The following LRRTM4 variants were observed in gnomAD, a reference collection of about 807,000 sequenced individuals.
LRRTM4 encodes leucine-rich repeat transmembrane neuronal protein 4.
LRRTM4 carries 25 observed loss-of-function variants against 47.6 expected under a neutral mutation model. The observed-to-expected ratio is 0.53, with a 90% CI of 0.38 to 0.73. The LOEUF is 0.73. LRRTM4 is among the 30% of genes least tolerant of loss of function. The pLI is 0.00. For missense variants in LRRTM4, 638 were observed against 713.4 expected, an observed-to-expected ratio of 0.89 and a Z score of 1.20; for synonymous variants, 311 against 269.5, an observed-to-expected ratio of 1.15 and a Z score of -1.51.
rs770884488 is a variant in LRRTM4 at position 76,923,891 on chromosome 2, C to CT, written c.1552-174976dup. On this transcript the variant is annotated intron_variant, in intron 3 of 3. Coordinates refer to ENST00000409884, the MANE Select transcript of LRRTM4 (RefSeq NM_001134745.3). ...ATCTTCAAAGAGAATATCTTATTGC[C>CT]TTTTTTTACATTCCTGAAATAGTAG... Among the ~76,000 whole-genome samples, 4 of 152,074 alleles carry CT rather than the reference C, an allele frequency of 2.6e-5. No individual in the cohort carries two copies. The East Asian group carries it at 5.8e-4, about 22-fold the overall frequency.
chr2:77,181,584 AAAGAT>A (rs1673347650), intron 3 of LRRTM4, among the ~76,000 whole-genome samples: 1 of 152,182 alleles, frequency 6.6e-6, no homozygotes, highest in Admixed American at 6.6e-5. Context: ...TAAACAACAA[AAAGAT>A]AAGTTACCCA....
At chr2:76,817,588 T>A (rs115989316) in intron 3 of LRRTM4, among the ~76,000 whole-genome samples, 6 of 151,954 alleles carry the variant, frequency 3.9e-5, no homozygotes, top group African/African-American at 1.4e-4. Context: ...ATTGGTGAGA[T>A]TGCATTCTGT....
intron 3 of LRRTM4, among the ~76,000 whole-genome samples, chr2:77,287,067 C>T (rs755233166): frequency 1.3e-5 from 2 of 151,868 alleles, no homozygotes; most frequent in Admixed American, 6.6e-5. Flanking sequence ...AATAATGATA[C>T]GTTCGAGGCC....
chr2:77,180,203 T>G (rs1573045216), intron 3 of LRRTM4, among the ~76,000 whole-genome samples: 4 of 152,116 alleles, frequency 2.6e-5, no homozygotes, highest in African/African-American at 7.2e-5. Flanking sequence ...CAACAGGAAT[T>G]ACAACTTTGA....
At chr2:77,138,368 G>A (rs1558599753) in intron 3 of LRRTM4, among the ~76,000 whole-genome samples, 1 of 152,156 alleles carries the variant, frequency 6.6e-6, no homozygotes, top group Non-Finnish European at 1.5e-5. Flanking sequence ...GCTCCTGAAT[G>A]ACTACTGGGT....
chr2:77,196,785 G>A (rs1673840348), intron 3 of LRRTM4, among the ~76,000 whole-genome samples: 1 of 151,998 alleles, frequency 6.6e-6, no homozygotes, highest in African/African-American at 2.4e-5. Flanking sequence ...TTGAATCTAA[G>A]ATCTATTAAA....
chr2:76,823,335 G>A (rs1347651472), intron 3 of LRRTM4, among the ~76,000 whole-genome samples: 1 of 151,308 alleles, frequency 6.6e-6, no homozygotes, highest in Non-Finnish European at 1.5e-5. Context: ...AAAGCAATCA[G>A]CCATGAATAC....
intron 3 of LRRTM4, among the ~76,000 whole-genome samples, chr2:77,061,889 A>G (rs1490874174): frequency 6.6e-6 from 1 of 152,078 alleles, no homozygotes; most frequent in Non-Finnish European, 1.5e-5. Context: ...TGACTTTCAA[A>G]GTCATCTACA....
intron 3 of LRRTM4, among the ~76,000 whole-genome samples, chr2:77,062,059 A>G (rs1679804448): frequency 6.6e-6 from 1 of 152,214 alleles, no homozygotes; most frequent in Non-Finnish European, 1.5e-5. Context: ...TCCGGGGCAT[A>G]GAGAGGTGAG....
intron 3 of LRRTM4, among the ~76,000 whole-genome samples, chr2:76,952,234 T>G (rs1675522082): frequency 6.6e-6 from 1 of 151,980 alleles, no homozygotes; most frequent in African/African-American, 2.4e-5. Flanking sequence ...TGACATGTAT[T>G]TCTTTCTCTT....
chr2:76,927,577 A>G (rs1299582065), intron 3 of LRRTM4, among the ~76,000 whole-genome samples: 3 of 152,130 alleles, frequency 2.0e-5, no homozygotes, highest in Non-Finnish European at 2.9e-5. Context: ...TAAAAAAGCC[A>G]ATACCTTTCT....
At chr2:77,421,567 C>G (rs540464670) in intron 3 of LRRTM4, among the ~76,000 whole-genome samples, 3 of 152,176 alleles carry the variant, frequency 2.0e-5, no homozygotes, top group East Asian at 3.9e-4. Flanking sequence ...ATTAGCCGGG[C>G]GTGTTGGCGG....
chr2:77,455,024 C>T (rs917122866), intron 3 of LRRTM4, among the ~76,000 whole-genome samples: 6 of 152,064 alleles, frequency 3.9e-5, no homozygotes, highest in Non-Finnish European at 8.8e-5. Context: ...CCAATCTCTA[C>T]TAAAAATACA....
rs551716599 is a variant in LRRTM4, at chr2:76,961,366, C to A, written c.1552-212450G>T. 4.6e-5 allele frequency among the ~76,000 whole-genome samples: 7 copies of A among 151,094 alleles called. No individual in the cohort carries two copies. In the South Asian group the frequency reaches 1.3e-3, roughly 27 times the overall value. On this transcript the variant is annotated intron_variant, in intron 3 of 3. Transcript: ENST00000409884. ...AAGCGAAATATTAGAGATGGAACAT[C>A]ACAGATCTGTTAGCTTGCCAATATT...
chr2:77,408,197 C>A (rs974189403), intron 3 of LRRTM4, among the ~76,000 whole-genome samples: 1 of 152,108 alleles, frequency 6.6e-6, no homozygotes, highest in Non-Finnish European at 1.5e-5. Context: ...AGGGGGAGTG[C>A]TTTTTCCTGT....
chr2:76,962,246 T>A (rs1221382176), intron 3 of LRRTM4, among the ~76,000 whole-genome samples: 2 of 151,248 alleles, frequency 1.3e-5, no homozygotes, highest in Non-Finnish European at 3.0e-5. Context: ...AAGACAGTTT[T>A]GTACAAAACA....
intron 3 of LRRTM4, among the ~76,000 whole-genome samples, chr2:76,759,399 G>C (rs1673172520): frequency 6.6e-6 from 1 of 152,110 alleles, no homozygotes; most frequent in South Asian, 2.1e-4. Context: ...CTTCAGTTGG[G>C]AGTGCTGAAG....
intron 3 of LRRTM4, among the ~76,000 whole-genome samples, chr2:77,065,344 G>A (rs1679917877): frequency 6.6e-6 from 1 of 152,042 alleles, no homozygotes; most frequent in Middle Eastern, 3.2e-3. Context: ...TGCCCTCAGA[G>A]AACTCACATT....
chr2:77,370,465 T>C (rs1397375680), intron 3 of LRRTM4, among the ~76,000 whole-genome samples: 2 of 151,578 alleles, frequency 1.3e-5, no homozygotes, highest in Non-Finnish European at 1.5e-5. Flanking sequence ...TTGAGGAAAA[T>C]AGAGCATTGT....
Sources: allele counts gnomAD v4.1 joint callset (sites outside exome capture counted in the v4.1 genomes callset), GRCh38; gene constraint gnomAD v4.1.1; transcripts MANE v1.5; gene names NCBI Gene and HGNC (gene_info 2026-07-23, HGNC 2026-07-21).